Variants in LRPPRC observed in about 807,000 individuals in gnomAD.
LRPPRC encodes the protein leucine rich pentatricopeptide repeat containing, also known as leucine-rich PPR motif-containing protein, mitochondrial.
In LRPPRC, 120 loss-of-function variants were observed where a neutral mutation model predicts 180.3. The observed-to-expected ratio is 0.67, with a 90% CI of 0.57 to 0.77. The LOEUF (loss-of-function observed/expected upper bound fraction) is 0.77. Ranked by LOEUF, LRPPRC falls within the 30% of genes least tolerant of loss-of-function variation. LRPPRC has a pLI of 0.00. For missense variants in LRPPRC, 2,012 were observed against 1,657.2 expected (o/e 1.21, Z -3.72); for synonymous variants, 723 against 600.0 (o/e 1.21, Z -3.00).
In LRPPRC at chr2:43,896,626, C is replaced by G; in HGVS notation, c.3900+8G>C. The G allele has an allele frequency of 6.3e-7, 1 of 1,588,452 alleles. No homozygotes were observed. The highest frequency in any genetic ancestry group is 8.6e-7 in the Non-Finnish European group (1 of 1,157,078). ...ATCATTGATTTGTAAGCAGGTAAAG[C>G]ACAGTACCTTTCCTTGTTTCCTAGA... On this transcript the variant is annotated splice_region_variant and intron_variant, in intron 35 of 37. Transcript: ENST00000260665.
intron 11 of LRPPRC, among the ~76,000 whole-genome samples, chr2:43,969,280 C>T (rs1673697635): frequency 6.6e-6 from 1 of 152,054 alleles, no homozygotes; most frequent in East Asian, 1.9e-4. Flanking sequence ...GGCGTGGTGG[C>T]GGGCGCCTGT....
chr2:43,991,595 C>T (rs899645049), intron 1 of LRPPRC, among the ~76,000 whole-genome samples: 5 of 152,066 alleles, frequency 3.3e-5, no homozygotes, highest in African/African-American at 1.2e-4. Context: ...TCCAGAAATG[C>T]AAGGAAAATG....
chr2:43,991,446 T>G (rs1674778110), intron 1 of LRPPRC, among the ~76,000 whole-genome samples: 1 of 152,236 alleles, frequency 6.6e-6, no homozygotes, highest in African/African-American at 2.4e-5. Context: ...GAACAATATG[T>G]AATTTTCACC....
At chr2:43,897,950 G>C (rs1297951990) in intron 34 of LRPPRC, among the ~76,000 whole-genome samples, 1 of 150,942 alleles carries the variant, frequency 6.6e-6, no homozygotes, top group Non-Finnish European at 1.5e-5. Context: ...ACTTAGACAT[G>C]TACATATGAA....
intron 12 of LRPPRC, among the ~76,000 whole-genome samples, chr2:43,961,185 A>AAT (rs1259076322): frequency 3.9e-5 from 6 of 152,206 alleles, no homozygotes; most frequent in African/African-American, 1.2e-4. Context: ...ACAAGCATAA[A>AAT]ATATATTTTG....
intron 14 of LRPPRC, among the ~76,000 whole-genome samples, chr2:43,955,632 C>T (rs1176233837): frequency 1.3e-5 from 2 of 151,992 alleles, no homozygotes; most frequent in East Asian, 1.9e-4. Context: ...CCCAGCTGCT[C>T]GGGAGGCTAC....
chr2:43,918,154 G>A (rs1671544573), intron 28 of LRPPRC, 21 bp from the exon 29 acceptor site: 4 of 1,602,486 alleles, frequency 2.5e-6, no homozygotes, highest in African/African-American at 2.7e-5. Flanking sequence ...AAGTTATTCT[G>A]TTAAATAAAA....
At position 43,918,385 on chromosome 2, in the gene LRPPRC, G is replaced by C; in HGVS notation, c.2910C>G (p.Asp970Glu). 2 of 1,609,464 alleles carry C rather than the reference G, an allele frequency of 1.2e-6. No individual in the cohort carries two copies. The highest frequency in any genetic ancestry group is 8.5e-7 in the Non-Finnish European group (1 of 1,175,976). ...NLLKLYKING[D>E]WQRADAVWNK... Reference sequence around the variant, plus strand: ...TCCAGACTGCATCAGCTCTTTGCCAGTCACCGTTTATTTCTGTAGAATTTG... The same window carrying C: ...TCCAGACTGCATCAGCTCTTTGCCACTCACCGTTTATTTCTGTAGAATTTG... Residue 970 changes from aspartate (D) to glutamate (E), a missense_variant, in exon 28 of 38, where the codon GAC becomes GAG. Coordinates refer to ENST00000260665, the MANE Select transcript of LRPPRC (RefSeq NM_133259.4).
chr2:43,993,428 G>A (rs1291733250), intron 1 of LRPPRC, among the ~76,000 whole-genome samples: 5 of 152,106 alleles, frequency 3.3e-5, no homozygotes, highest in Admixed American at 2.6e-4. Flanking sequence ...GATAATAATG[G>A]CCTTTGACAG....
chr2:43,919,189 C>G (rs1441612740), intron 27 of LRPPRC, among the ~76,000 whole-genome samples: 1 of 152,160 alleles, frequency 6.6e-6, no homozygotes, highest in Non-Finnish European at 1.5e-5. Flanking sequence ...TTATGAGAAT[C>G]TAACTAATGC....
chr2:43,979,345 G>A (rs1023654813), intron 3 of LRPPRC, among the ~76,000 whole-genome samples: 2 of 152,058 alleles, frequency 1.3e-5, no homozygotes, highest in Admixed American at 1.3e-4. Flanking sequence ...GGCATATAAA[G>A]AGCTTCTTCA....
At chr2:43,924,619 A>AT (rs1312236495) in intron 27 of LRPPRC, among the ~76,000 whole-genome samples, 2 of 152,218 alleles carry the variant, frequency 1.3e-5, no homozygotes, top group African/African-American at 4.8e-5. Context: ...ATATAATGAC[A>AT]TTTAAAAAGC....
intron 11 of LRPPRC, among the ~76,000 whole-genome samples, chr2:43,971,511 A>AAT (rs1393126026): frequency 4.0e-5 from 6 of 148,590 alleles, no homozygotes; most frequent in African/African-American, 7.3e-5. Context: ...AAAAGAAAAA[A>AAT]ATATATATAT....
At chr2:43,928,169 C>A (rs12712899) in intron 25 of LRPPRC, among the ~76,000 whole-genome samples, 1 of 152,034 alleles carries the variant, frequency 6.6e-6, no homozygotes, top group Non-Finnish European at 1.5e-5. Flanking sequence ...GTGCTTCAAA[C>A]CACAACTTTC....
Position 43,943,814 on chromosome 2 carries a change from G to C in LRPPRC, c.2377C>G (p.Leu793Val), listed in dbSNP as rs746407331. The C allele has an allele frequency of 1.9e-6, 3 of 1,613,308 alleles. No individual in the cohort carries two copies. In the African/African-American group the frequency reaches 4.0e-5, roughly 22 times the overall value. ...TCACCTCTTAAAGCTGCGCCATTTA[G>C]CATGTGGAAAAAGGACAAGGCTGTT... ...DTTALSFFHM[L>V]NGAALRGEIE... The change falls in exon 23 of 38, where the codon CTA (leucine) becomes GTA (valine). Residue 793 changes from leucine (L) to valine (V), a missense_variant. Transcript: ENST00000260665.
At chr2:43,923,329 GA>G (rs986195032) in intron 27 of LRPPRC, among the ~76,000 whole-genome samples, 17 of 149,098 alleles carry the variant, frequency 1.1e-4, no homozygotes, top group African/African-American at 2.0e-4. Context: ...AAGTTAAAAA[GA>G]AAAAAAAAAT....
At chr2:43,905,218 G>C (rs554390667) in intron 31 of LRPPRC, among the ~76,000 whole-genome samples, 25 of 152,258 alleles carry the variant, frequency 1.6e-4, no homozygotes, top group South Asian at 4.1e-4. Flanking sequence ...ATAATCATTT[G>C]GTGCACAATC....
chr2:43,912,619 G>T, intron 29 of LRPPRC, 61 bp from the exon 30 acceptor site: 1 of 1,476,962 alleles, frequency 6.8e-7, no homozygotes. Flanking sequence ...CAAAAGGATG[G>T]AAAAAATCCT....
intron 13 of LRPPRC, chr2:43,959,213 T>A (rs1310997522): frequency 2.8e-6 from 2 of 716,460 alleles, no homozygotes. Flanking sequence ...CTTGTCAGAT[T>A]GGAAAATCTA....
Sources: allele counts gnomAD v4.1 joint callset (sites outside exome capture counted in the v4.1 genomes callset), GRCh38; gene constraint gnomAD v4.1.1; transcripts MANE v1.5; gene names NCBI Gene and HGNC (gene_info 2026-07-23, HGNC 2026-07-21).